CYP2C19: variants seen among roughly 807,000 people sequenced by gnomAD.
CYP2C19 encodes the protein cytochrome P450 2C19.
Under a neutral mutation model 40.9 loss-of-function variants are expected in CYP2C19, and 59 were observed. That is an observed-to-expected ratio of 1.44 (90% CI 1.17 to 1.79). The LOEUF (loss-of-function observed/expected upper bound fraction) is 1.79. Ranked by LOEUF, CYP2C19 falls within the 40% of genes most tolerant of loss-of-function variation. The probability of loss-of-function intolerance (pLI) is 0.00; values close to 1 mark genes in which losing one functional copy is unlikely to be tolerated. For synonymous variants in CYP2C19, 253 were observed against 208.7 expected (o/e 1.21, Z -1.83); for missense variants, 754 against 596.9 (o/e 1.26, Z -2.74).
rs1046089102 is a variant in CYP2C19 at position 94,853,625 on chromosome 10, A to G, written c.*711A>G. The stretch of plus-strand genomic sequence containing the variant: ...CAGTGGTGCAATCTCGGCTCACTGT[A>G]ACCTTCGCCTCCCAGGCTCAAGAGA... On this transcript the variant is annotated 3_prime_UTR_variant, in exon 9 of 9. Transcript: ENST00000371321. Among the ~76,000 whole-genome samples, 9 of 147,932 alleles carry G rather than the reference A, an allele frequency of 6.1e-5. No individual in the cohort carries two copies. The South Asian group carries it at 1.1e-3, about 17-fold the overall frequency.
intron 1 of CYP2C19, 64 bp from the exon 2 acceptor site, chr10:94,774,994 G>C (rs765367908): frequency 1.2e-5 from 19 of 1,541,976 alleles, no homozygotes; most frequent in African/African-American, 5.5e-5. Flanking sequence ...ATGAATCTAA[G>C]TCAGGCTTAG....
chr10:94,778,656 C>T (rs1014918597), intron 3 of CYP2C19, among the ~76,000 whole-genome samples: 1 of 152,150 alleles, frequency 6.6e-6, no homozygotes, highest in Non-Finnish European at 1.5e-5. Flanking sequence ...AAAGCTTTTA[C>T]ACTGTTGGTG....
At chr10:94,835,666 C>T (rs888526736) in intron 6 of CYP2C19, among the ~76,000 whole-genome samples, 9 of 152,076 alleles carry the variant, frequency 5.9e-5, no homozygotes, top group Non-Finnish European at 7.4e-5. Flanking sequence ...AATCTCCTAA[C>T]GGCTTCCTGA....
At chr10:94,826,776 T>C (rs1467313305) in intron 6 of CYP2C19, among the ~76,000 whole-genome samples, 1 of 152,202 alleles carries the variant, frequency 6.6e-6, no homozygotes, top group Non-Finnish European at 1.5e-5. Flanking sequence ...GCCCATTCAG[T>C]ATGATGTTGG....
intron 5 of CYP2C19, among the ~76,000 whole-genome samples, chr10:94,799,966 G>A (rs1192036235): frequency 6.6e-6 from 1 of 152,038 alleles, no homozygotes; most frequent in African/African-American, 2.4e-5. Flanking sequence ...TTAGCTTGGA[G>A]AAGTTTGTTA....
At position 94,834,247 on chromosome 10, in the gene CYP2C19, G is replaced by A. The variant is rs533357872; in HGVS notation, c.962-8590G>A. The stretch of plus-strand genomic sequence containing the variant: ...TCTCAATAGGTCATATATGTCTAAG[G>A]ATTTGTCCATTTCTTCTAGATTTTC... On this transcript the variant is annotated intron_variant, in intron 6 of 8. Transcript: ENST00000371321. Among the ~76,000 whole-genome samples, 3 of 152,132 alleles carry A rather than the reference G, an allele frequency of 2.0e-5. No individual in the cohort carries two copies. The East Asian group carries it at 5.8e-4, about 29-fold the overall frequency.
intron 5 of CYP2C19, among the ~76,000 whole-genome samples, chr10:94,795,950 C>T (rs975309840): frequency 6.6e-6 from 1 of 152,034 alleles, no homozygotes; most frequent in African/African-American, 2.4e-5. Flanking sequence ...CTGTAGGTTG[C>T]CTATTCACTC....
intron 5 of CYP2C19, among the ~76,000 whole-genome samples, chr10:94,784,431 A>G (rs553663512): frequency 3.3e-5 from 5 of 152,078 alleles, no homozygotes; most frequent in African/African-American, 9.6e-5. Flanking sequence ...TGCTGGGTCA[A>G]ATGGTAATTT....
At chr10:94,813,619 G>A (rs1848958437) in intron 5 of CYP2C19, among the ~76,000 whole-genome samples, 1 of 151,872 alleles carries the variant, frequency 6.6e-6, no homozygotes, top group Admixed American at 6.6e-5. Context: ...AACAATGGCA[G>A]ACTCCCCTCA....
At chr10:94,822,115 A>C (rs1341053837) in intron 6 of CYP2C19, among the ~76,000 whole-genome samples, 1 of 152,120 alleles carries the variant, frequency 6.6e-6, no homozygotes, top group Non-Finnish European at 1.5e-5. Flanking sequence ...TGCAAAAGAC[A>C]TGATTTTTGT....
intron 8 of CYP2C19, among the ~76,000 whole-genome samples, chr10:94,850,400 C>G (rs1849634862): frequency 1.3e-5 from 2 of 152,150 alleles, no homozygotes; most frequent in Non-Finnish European, 2.9e-5. Flanking sequence ...TTATCTCACT[C>G]CAGAACTTCA....
At chr10:94,791,081 C>T (rs377073701) in intron 5 of CYP2C19, among the ~76,000 whole-genome samples, 3 of 152,154 alleles carry the variant, frequency 2.0e-5, no homozygotes, top group South Asian at 2.1e-4. Flanking sequence ...CAACTTCTTC[C>T]TGGTTTAGTC....
At chr10:94,827,112 T>C (rs1849239488) in intron 6 of CYP2C19, among the ~76,000 whole-genome samples, 1 of 151,696 alleles carries the variant, frequency 6.6e-6, no homozygotes, top group African/African-American at 2.4e-5. Flanking sequence ...AGGATATTGG[T>C]CTAAAATTCT....
At chr10:94,774,520 G>C (rs1848379145) in intron 1 of CYP2C19, 2 of 160,384 alleles carry the variant, frequency 1.2e-5, no homozygotes, top group Admixed American at 1.2e-4. Flanking sequence ...ACCTCTACAT[G>C]GGCTTTTGGG....
chr10:94,765,382 C>A (rs1408016849), intron 1 of CYP2C19, among the ~76,000 whole-genome samples: 1 of 151,988 alleles, frequency 6.6e-6, no homozygotes, highest in Non-Finnish European at 1.5e-5. Flanking sequence ...GTCGACATTC[C>A]ACATAAGAAG....
At chr10:94,817,250 G>T (rs1172212754) in intron 5 of CYP2C19, among the ~76,000 whole-genome samples, 1 of 148,690 alleles carries the variant, frequency 6.7e-6, no homozygotes, top group Admixed American at 6.7e-5. Context: ...GTTGTTTCCT[G>T]ACTTTTTAAT....
At chr10:94,777,412 C>A (rs1848422754) in intron 3 of CYP2C19, among the ~76,000 whole-genome samples, 2 of 152,090 alleles carry the variant, frequency 1.3e-5, no homozygotes, top group Non-Finnish European at 2.9e-5. Flanking sequence ...TACTACAAGG[C>A]TACAGTAGCC....
intron 6 of CYP2C19, among the ~76,000 whole-genome samples, chr10:94,834,978 T>G (rs1849380556): frequency 6.6e-6 from 1 of 152,022 alleles, no homozygotes; most frequent in Admixed American, 6.5e-5. Context: ...AATTGGGGTG[T>G]AGTAGGGGTG....
intron 3 of CYP2C19, among the ~76,000 whole-genome samples, chr10:94,777,512 T>C (rs1012484772): frequency 6.6e-6 from 1 of 152,088 alleles, no homozygotes; most frequent in Admixed American, 6.5e-5. Flanking sequence ...TCTACAACCA[T>C]CTGATCTTCA....
Sources: allele counts gnomAD v4.1 joint callset (sites outside exome capture counted in the v4.1 genomes callset), GRCh38; gene constraint gnomAD v4.1.1; transcripts MANE v1.5; gene names NCBI Gene and HGNC (gene_info 2026-07-23, HGNC 2026-07-21).